The following CAPN3 variants were observed in gnomAD, a reference collection of about 807,000 sequenced individuals.
CAPN3 encodes the protein calpain-3.
A neutral mutation model predicts 114.0 loss-of-function variants in CAPN3; 88 were observed. The observed-to-expected ratio is 0.77, with a 90% CI of 0.65 to 0.92. The LOEUF is 0.92. Ranked by LOEUF, CAPN3 falls within the 40% of genes least tolerant of loss-of-function variation. The pLI is 0.00. For synonymous variants in CAPN3, 386 were observed against 382.9 expected, an observed-to-expected ratio of 1.01 and a Z score of -0.09; for missense variants, 1,028 against 1,069.0, an observed-to-expected ratio of 0.96 and a Z score of 0.53.
At position 42,399,526 on chromosome 15, in the gene CAPN3, A is replaced by G; in HGVS notation, c.1228A>G (p.Lys410Glu). The G allele has an allele frequency of 6.2e-7, 1 of 1,613,772 alleles. No individual in the cohort carries two copies. Among genetic ancestry groups the G allele is most frequent in the Non-Finnish European group, 8.5e-7 (1 of 1,179,830 alleles). Residue 410 changes from lysine (K) to glutamate (E), a missense_variant, in exon 10 of 24, where the codon AAG (lysine) becomes GAG (glutamate). Coordinates refer to ENST00000397163, the MANE Select transcript of CAPN3 (RefSeq NM_000070.3). Reference protein sequence around the residue: ...SYEDFIYHFTKLEICNLTADA... With the variant: ...SYEDFIYHFTELEICNLTADA... ...TGAGGATTTCATCTACCATTTCACA[A>G]AGTTGGAGATCTGCAACCTCACGGC...
intron 1 of CAPN3, among the ~76,000 whole-genome samples, chr15:42,383,482 G>A (rs1453654246): frequency 2.6e-5 from 4 of 151,938 alleles, no homozygotes; most frequent in African/African-American, 7.3e-5. Context: ...CCAGCTACTC[G>A]GGAGGCTGAG....
intron 17 of CAPN3, 101 bp from the exon 18 acceptor site, chr15:42,409,686 G>A (rs1358776907): frequency 1.9e-5 from 21 of 1,094,888 alleles, no homozygotes; most frequent in Non-Finnish European, 3.0e-5. Context: ...GCACCGACAG[G>A]GATTTTACAA....
Position 42,410,936 on chromosome 15 carries a change from C to A in CAPN3, c.2316C>A (p.Asp772Glu). The A allele has an allele frequency of 1.2e-6, 2 of 1,614,232 alleles. No homozygotes were observed. The highest frequency in any genetic ancestry group is 1.7e-6 in the Non-Finnish European group (2 of 1,180,028). ...ACATCATTACCATGCGGTACGCAGA[C>A]AAACACATGAACATCGACTTTGACA... ...LYDIITMRYA[D>E]KHMNIDFDSF... The change falls in exon 22 of 24, where the codon GAC becomes GAA. Residue 772 changes from aspartate to glutamate, a missense_variant. By Grantham distance (45) the Asp-to-Glu change is conservative. Coordinates refer to ENST00000397163, the MANE Select transcript of CAPN3 (RefSeq NM_000070.3).
At position 42,410,470 on chromosome 15, in the gene CAPN3, C is replaced by G; in HGVS notation, c.2158C>G (p.Leu720Val). ...GCTCAACCTGCAGGAGTTCCACCAC[C>G]TCTGGAACAAGATTAAGGCCTGGCA... ...GKLNLQEFHH[L>V]WNKIKAWQKI... The change falls in exon 20 of 24, where the codon CTC (leucine) becomes GTC (valine). Residue 720 changes from leucine to valine, a missense_variant. Physicochemically the swap from Leu to Val is conservative, Grantham distance 32. Coordinates refer to ENST00000397163, the MANE Select transcript of CAPN3 (RefSeq NM_000070.3). 6.2e-7 allele frequency: 1 copy of G among 1,614,110 alleles called. No homozygotes were observed. The highest frequency in any genetic ancestry group is 2.2e-5 in the East Asian group (1 of 44,880).
Position 42,366,828 on chromosome 15 carries a change from C to CTTTTTTTTTTT in CAPN3, c.309+6715_309+6725dup, listed in dbSNP as rs545010219. Among the ~76,000 whole-genome samples the CTTTTTTTTTTT allele has an allele frequency of 6.5e-4, 83 of 127,834 alleles. 1 individual carries two copies. The highest frequency in any genetic ancestry group is 1.1e-3 in the African/African-American group (33 of 29,148). 83.9% of individuals were successfully genotyped at this position (127,834 alleles called of 152,430 possible). On this transcript the variant is annotated intron_variant, in intron 1 of 23. Coordinates refer to ENST00000397163, the MANE Select transcript of CAPN3 (RefSeq NM_000070.3). Reference sequence around the variant, plus strand: ...CGACCCTCACAGAATTCTTTTTTTTCTTTTTTTTTTTCTTTTTTTTTTTGA... The same window carrying CTTTTTTTTTTT: ...CGACCCTCACAGAATTCTTTTTTTTCTTTTTTTTTTTTTTTTTTTTTTCTTTTTTTTTTTGA...
chr15:42,381,590 G>T (rs1305830723), intron 1 of CAPN3, among the ~76,000 whole-genome samples: 1 of 152,138 alleles, frequency 6.6e-6, no homozygotes, highest in Non-Finnish European at 1.5e-5. Context: ...GCCCAAGCTG[G>T]AGTGCAGTGG....
chr15:42,369,087 G>T (rs1383220328), intron 1 of CAPN3, among the ~76,000 whole-genome samples: 1 of 152,190 alleles, frequency 6.6e-6, no homozygotes, highest in East Asian at 1.9e-4. Flanking sequence ...TAAGGGTTCA[G>T]GGTGAGAGAG....
In CAPN3 at chr15:42,389,128, A is replaced by ACAG; in HGVS notation, c.801+32_801+33insCAG. ...CTGGGGTGTGGGGCACAGGGTGGGG[A>ACAG]GCTCCAAGTGTCAGGAAGCCTTTTA... On this transcript the variant is annotated intron_variant, in intron 5 of 23. Transcript: ENST00000397163. 7 of 1,608,398 alleles carry ACAG rather than the reference A, an allele frequency of 4.4e-6. No homozygotes were observed. In the Admixed American group the frequency reaches 1.0e-4, roughly 23 times the overall value.
chr15:42,405,846 A>T (rs553588133), intron 14 of CAPN3, 80 bp from the exon 15 acceptor site: 3 of 1,143,320 alleles, frequency 2.6e-6, no homozygotes, highest in Non-Finnish European at 4.0e-6. Context: ...ACCAGGATAC[A>T]GGGAAGCCAA....
At chr15:42,397,370 G>A (rs1021456442) in intron 9 of CAPN3, among the ~76,000 whole-genome samples, 14 of 152,134 alleles carry the variant, frequency 9.2e-5, no homozygotes, top group African/African-American at 2.7e-4. Flanking sequence ...AGCCGGGCGC[G>A]GTGGCTCACG....
chr15:42,390,782 G>T (rs202014494), intron 6 of CAPN3, among the ~76,000 whole-genome samples: 4,917 of 117,468 alleles, frequency 0.042, 215 homozygotes, highest in African/African-American at 0.12. Flanking sequence ...AGTTTTTTTT[G>T]TTTTTTTGTT....
chr15:42,401,480 C>CA (rs1364887586), intron 10 of CAPN3, among the ~76,000 whole-genome samples, 161 bp from the exon 11 acceptor site: 1 of 129,960 alleles, frequency 7.7e-6, no homozygotes, highest in African/African-American at 2.8e-5. Flanking sequence ...AGCGCCCCCC[C>CA]CCCCCCCAAA....
chr15:42,385,087 C>T (rs913457940), intron 2 of CAPN3, among the ~76,000 whole-genome samples: 2 of 152,198 alleles, frequency 1.3e-5, no homozygotes, highest in African/African-American at 2.4e-5. Context: ...CTTGACTGCT[C>T]CATCTGATCT....
intron 9 of CAPN3, among the ~76,000 whole-genome samples, chr15:42,397,741 G>A (rs2053742440): frequency 1.3e-5 from 2 of 152,056 alleles, no homozygotes; most frequent in African/African-American, 2.4e-5. Flanking sequence ...TAATAGAGAC[G>A]GGCCTCGCTA....
intron 1 of CAPN3, among the ~76,000 whole-genome samples, chr15:42,361,976 T>A (rs1256986728): frequency 6.6e-6 from 1 of 152,256 alleles, no homozygotes; most frequent in Non-Finnish European, 1.5e-5. Flanking sequence ...AAATCCTTCC[T>A]GTTCATCTTT....
At position 42,408,327 on chromosome 15, in the gene CAPN3, G is replaced by C; in HGVS notation, c.1914+3G>C. The C allele has an allele frequency of 6.3e-7, 1 of 1,592,990 alleles. No homozygotes were observed. Among genetic ancestry groups the C allele is most frequent in the Non-Finnish European group, 8.6e-7 (1 of 1,160,808 alleles). On this transcript the variant is annotated splice_donor_region_variant and intron_variant, in intron 16 of 23. Coordinates refer to ENST00000397163, the MANE Select transcript of CAPN3 (RefSeq NM_000070.3). Reference sequence around the variant, plus strand: ...ATAAGCAAAAGCAGTCCCCACAGGTGTCTGGGCATGTGGCATGGGTGGGGT... The same window carrying C: ...ATAAGCAAAAGCAGTCCCCACAGGTCTCTGGGCATGTGGCATGGGTGGGGT...
chr15:42,360,383 T>G (rs985796784), intron 1 of CAPN3, among the ~76,000 whole-genome samples: 2 of 149,390 alleles, frequency 1.3e-5, no homozygotes, highest in African/African-American at 5.0e-5. Flanking sequence ...AAAAAAAAAA[T>G]CTTGCTTTTT....
chr15:42,402,772 C>G, intron 12 of CAPN3, 22 bp from the exon 13 acceptor site: 1 of 1,612,736 alleles, frequency 6.2e-7, no homozygotes, highest in Non-Finnish European at 8.5e-7. Context: ...CTCATGTGCC[C>G]TGGGCTCTCC....
rs762223179 is a variant in CAPN3, at chr15:42,402,817, G to A, written c.1560G>A (p.Leu520=). ...PKEMHGNKQH[L]QKDFFLYNAS... Reference sequence around the variant, plus strand: ...AGATGCACGGGAACAAGCAGCACCTGCAGAAGGACTTCTTCCTGTACAACG... The same window carrying A: ...AGATGCACGGGAACAAGCAGCACCTACAGAAGGACTTCTTCCTGTACAACG... Residue 520 remains leucine, a synonymous_variant, in exon 13 of 24, where the codon CTG becomes CTA. Transcript: ENST00000397163. The A allele has an allele frequency of 1.9e-6, 3 of 1,614,202 alleles. No individual in the cohort carries two copies. The highest frequency in any genetic ancestry group is 1.6e-4 in the Middle Eastern group (1 of 6,062).
Sources: gnomAD v4.1 joint callset for allele counts (sites outside exome capture counted in the v4.1 genomes callset) on GRCh38, gnomAD v4.1.1 for gene constraint, MANE v1.5 for transcripts, NCBI Gene and HGNC (gene_info 2026-07-23, HGNC 2026-07-21) for gene names.